Variants in PCSK5 observed in about 807,000 individuals in gnomAD.
PCSK5 encodes the protein prohormone convertase 5.
Under a neutral mutation model 233.2 loss-of-function variants are expected in PCSK5, and 129 were observed. That is an observed-to-expected ratio of 0.55 (90% CI 0.48 to 0.64). The LOEUF (loss-of-function observed/expected upper bound fraction) is 0.64. Among genes scored for constraint, PCSK5 ranks in the 30% least tolerant of loss-of-function variants. The probability of loss-of-function intolerance (pLI) is 0.00; values close to 1 mark genes in which losing one functional copy is unlikely to be tolerated. For synonymous variants in PCSK5, 825 were observed against 879.2 expected (o/e 0.94, Z 1.09); for missense variants, 2,076 against 2,430.1 (o/e 0.85, Z 3.06).
intron 24 of PCSK5, among the ~76,000 whole-genome samples, chr9:76,281,384 T>A (rs981827331): frequency 6.6e-6 from 1 of 152,196 alleles, no homozygotes; most frequent in African/African-American, 2.4e-5. Flanking sequence ...CCCTTAAGAA[T>A]TATGCCAAAT....
intron 25 of PCSK5, among the ~76,000 whole-genome samples, chr9:76,293,902 C>T (rs1828353747): frequency 6.6e-6 from 1 of 152,230 alleles, no homozygotes; most frequent in Non-Finnish European, 1.5e-5. Flanking sequence ...AAATGCCTTA[C>T]AATAGACATT....
chr9:76,189,805 G>C, intron 20 of PCSK5, 59 bp downstream of exon 20: 1 of 634,800 alleles, frequency 1.6e-6, no homozygotes, highest in South Asian at 1.8e-5. Flanking sequence ...CTACTTTCAG[G>C]ACTAATATTT....
chr9:76,088,092 G>A lies in PCSK5; in HGVS notation c.895-7798G>A, dbSNP rs1298108227. Among the ~76,000 whole-genome samples, 3 of 152,230 alleles carry A rather than the reference G, an allele frequency of 2.0e-5. No individual in the cohort carries two copies. The East Asian group carries it at 5.8e-4, about 29-fold the overall frequency. ...AGTGTTGTCTGGAAGCCAGTCTGAG[G>A]ATGTTTAGACAGCCCTTCCTTAGAG... On this transcript the variant is annotated intron_variant, in intron 7 of 37. Coordinates refer to ENST00000674117, the MANE Select transcript of PCSK5 (RefSeq NM_001372043.1).
chr9:76,124,646 T>C (rs773341356), intron 9 of PCSK5, among the ~76,000 whole-genome samples: 30 of 149,086 alleles, frequency 2.0e-4, no homozygotes, highest in Non-Finnish European at 4.0e-4. Flanking sequence ...CTCGGGAGGC[T>C]GAGGCAGGGG....
chr9:76,022,129 A>G (rs1224593062), intron 3 of PCSK5, among the ~76,000 whole-genome samples: 1 of 152,170 alleles, frequency 6.6e-6, no homozygotes. Flanking sequence ...ATCCCTCAGC[A>G]TTCACCATCA....
At chr9:76,172,081 A>G (rs939024417) in intron 13 of PCSK5, among the ~76,000 whole-genome samples, 2 of 152,198 alleles carry the variant, frequency 1.3e-5, no homozygotes, top group Non-Finnish European at 2.9e-5. Flanking sequence ...TTCTAGCCCA[A>G]TTAAATGGTA....
chr9:76,030,672 A>G (rs540229264), intron 5 of PCSK5, among the ~76,000 whole-genome samples: 1 of 152,092 alleles, frequency 6.6e-6, no homozygotes, highest in Non-Finnish European at 1.5e-5. Context: ...TAAGCCAAAT[A>G]TGTGTTGTAG....
chr9:76,353,750 G>T (rs1479786909), intron 36 of PCSK5, among the ~76,000 whole-genome samples: 1 of 152,212 alleles, frequency 6.6e-6, no homozygotes, highest in Non-Finnish European at 1.5e-5. Context: ...AGCTGTCCTT[G>T]AGCACAGGAG....
chr9:76,358,982 G>C lies in PCSK5; in HGVS notation c.*60G>C. On this transcript the variant is annotated 3_prime_UTR_variant, in exon 38 of 38. Coordinates refer to ENST00000674117, the MANE Select transcript of PCSK5 (RefSeq NM_001372043.1). ...CTCAGGCATGCCTGTGAGCATCACT[G>C]TTTTTGGTTTTATCCCCACACCAGG... The C allele has an allele frequency of 6.7e-7, 1 of 1,502,892 alleles. No homozygotes were observed. The highest frequency in any genetic ancestry group is 1.8e-5 in the Admixed American group (1 of 56,168). The allele number at this position is 1,502,892 out of a possible 1,614,324, so 93.1% of individuals were successfully genotyped here. A position where few individuals can be genotyped will look rare whatever the true frequency, so the allele number is the denominator to read the frequency against.
intron 2 of PCSK5, among the ~76,000 whole-genome samples, chr9:75,964,903 G>A (rs563813156): frequency 5.0e-4 from 76 of 152,262 alleles, no homozygotes; most frequent in Middle Eastern, 3.4e-3. Context: ...GGGTGGGGGA[G>A]CATTAATCCA....
chr9:76,311,167 G>A (rs948223395), intron 30 of PCSK5, among the ~76,000 whole-genome samples: 7 of 152,106 alleles, frequency 4.6e-5, no homozygotes, highest in Admixed American at 2.0e-4. Flanking sequence ...CTAGGAATTT[G>A]AGACCAGCCT....
intron 5 of PCSK5, among the ~76,000 whole-genome samples, chr9:76,039,090 C>T (rs943179567): frequency 6.6e-6 from 1 of 152,180 alleles, no homozygotes; most frequent in Non-Finnish European, 1.5e-5. Flanking sequence ...TTTCGGTAAG[C>T]AATTGCAAAT....
At chr9:76,025,643 T>G (rs1336344862) in intron 4 of PCSK5, among the ~76,000 whole-genome samples, 1 of 152,204 alleles carries the variant, frequency 6.6e-6, no homozygotes, top group East Asian at 1.9e-4. Context: ...GAAAGAAACT[T>G]CTGCCAAATT....
At chr9:75,921,479 C>G (rs1319570360) in intron 1 of PCSK5, among the ~76,000 whole-genome samples, 1 of 152,034 alleles carries the variant, frequency 6.6e-6, no homozygotes, top group African/African-American at 2.4e-5. Flanking sequence ...GCTTCCGGTT[C>G]CCGAGATGAT....
chr9:76,210,697 G>A (rs150812381), intron 20 of PCSK5, among the ~76,000 whole-genome samples: 1 of 152,198 alleles, frequency 6.6e-6, no homozygotes, highest in Non-Finnish European at 1.5e-5. Context: ...GAATTTCAGA[G>A]AGAACATTCT....
At chr9:75,942,124 G>T (rs4339706) in intron 2 of PCSK5, among the ~76,000 whole-genome samples, 82,899 of 152,026 alleles carry the variant, frequency 0.55, 22,806 homozygotes, top group Middle Eastern at 0.59. Flanking sequence ...GCGCCAAAGC[G>T]TAGCGCACTC....
intron 3 of PCSK5, among the ~76,000 whole-genome samples, chr9:76,007,719 T>G (rs916837061): frequency 2.0e-5 from 3 of 151,464 alleles, no homozygotes; most frequent in Non-Finnish European, 4.4e-5. Flanking sequence ...TTTGACCTCC[T>G]GGGTTCAAGT....
At chr9:76,175,184 C>A (rs770453570) in intron 14 of PCSK5, 55 bp downstream of exon 14, 4 of 1,505,568 alleles carry the variant, frequency 2.7e-6, no homozygotes, top group Non-Finnish European at 3.6e-6. Context: ...ATGCATCATC[C>A]CACCACATGG....
At chr9:76,347,707 A>G (rs1830014911) in intron 35 of PCSK5, among the ~76,000 whole-genome samples, 2 of 151,056 alleles carry the variant, frequency 1.3e-5, no homozygotes, top group African/African-American at 2.4e-5. Context: ...CCTGGCCAAC[A>G]TGGTGAAACC....
Sources: gnomAD v4.1 joint callset for allele counts (sites outside exome capture counted in the v4.1 genomes callset) on GRCh38, gnomAD v4.1.1 for gene constraint, MANE v1.5 for transcripts, NCBI Gene and HGNC (gene_info 2026-07-23, HGNC 2026-07-21) for gene names.